Variants in SCFD2 observed in about 807,000 individuals in gnomAD.
The protein encoded by SCFD2 is sec1 family domain containing 2.
A neutral mutation model predicts 58.9 loss-of-function variants in SCFD2; 54 were observed. The ratio of observed to expected loss-of-function variants is 0.92; its 90% CI spans 0.74 to 1.15. The LOEUF (loss-of-function observed/expected upper bound fraction) is 1.15. Among genes scored for constraint, SCFD2 ranks in the 50% most tolerant of loss-of-function variants. SCFD2 has a pLI of 0.00. For synonymous variants in SCFD2, 321 were observed against 335.9 expected (o/e 0.96, Z 0.49); for missense variants, 805 against 836.6 (o/e 0.96, Z 0.47).
intron 3 of SCFD2, among the ~76,000 whole-genome samples, chr4:53,281,271 T>A (rs1229843539): frequency 6.6e-6 from 1 of 152,248 alleles, no homozygotes; most frequent in East Asian, 1.9e-4. Context: ...AGAGTTTTAA[T>A]GTTTTTGTAA....
At chr4:53,167,228 A>T (rs1446842366) in intron 4 of SCFD2, among the ~76,000 whole-genome samples, 1 of 152,182 alleles carries the variant, frequency 6.6e-6, no homozygotes, top group Non-Finnish European at 1.5e-5. Flanking sequence ...CCTACTGCGT[A>T]TACCCAGAAT....
intron 5 of SCFD2, among the ~76,000 whole-genome samples, chr4:52,961,674 TA>T (rs1720855358): frequency 6.6e-6 from 1 of 152,130 alleles, no homozygotes. Flanking sequence ...CTTTATATCT[TA>T]TTAGCAAGAG....
intron 4 of SCFD2, among the ~76,000 whole-genome samples, chr4:53,177,707 C>T (rs1489571755): frequency 6.6e-6 from 1 of 152,078 alleles, no homozygotes; most frequent in Non-Finnish European, 1.5e-5. Context: ...GCCAAGGCAT[C>T]GCCTCATCCG....
intron 5 of SCFD2, among the ~76,000 whole-genome samples, chr4:53,091,326 G>C (rs1456831718): frequency 1.3e-5 from 2 of 149,236 alleles, no homozygotes; most frequent in East Asian, 4.0e-4. Flanking sequence ...TAGAGATAAA[G>C]AATTAACTCT....
At chr4:53,147,411 C>T (rs765106326) in intron 4 of SCFD2, among the ~76,000 whole-genome samples, 2 of 152,064 alleles carry the variant, frequency 1.3e-5, no homozygotes, top group Non-Finnish European at 2.9e-5. Context: ...TTAAGGTTCA[C>T]GATTATATTT....
At chr4:53,225,889 T>C (rs1729196904) in intron 4 of SCFD2, among the ~76,000 whole-genome samples, 1 of 152,248 alleles carries the variant, frequency 6.6e-6, no homozygotes, top group Non-Finnish European at 1.5e-5. Context: ...CTTTTAGGTT[T>C]TTCCCTATTC....
At chr4:53,133,034 A>G (rs1725834636) in intron 5 of SCFD2, among the ~76,000 whole-genome samples, 4 of 152,290 alleles carry the variant, frequency 2.6e-5, no homozygotes, top group South Asian at 4.1e-4. Context: ...GTCTTTTACA[A>G]TTCTCTGTTT....
At chr4:53,346,144 C>T (rs527490650) in intron 2 of SCFD2, among the ~76,000 whole-genome samples, 18 of 152,090 alleles carry the variant, frequency 1.2e-4, no homozygotes, top group African/African-American at 3.4e-4. Context: ...GATATTTATA[C>T]ATGTTCATAT....
chr4:53,312,222 T>A (rs1732713993), intron 3 of SCFD2, among the ~76,000 whole-genome samples: 1 of 152,194 alleles, frequency 6.6e-6, no homozygotes, highest in African/African-American at 2.4e-5. Context: ...ACAGTTCATT[T>A]ATTAATTCAA....
At chr4:53,155,746 C>T (rs1726659599) in intron 4 of SCFD2, among the ~76,000 whole-genome samples, 1 of 152,184 alleles carries the variant, frequency 6.6e-6, no homozygotes, top group Admixed American at 6.5e-5. Flanking sequence ...AGTTCAAAAT[C>T]ATGTAATCGC....
chr4:53,125,819 G>C (rs1467258541), intron 5 of SCFD2, among the ~76,000 whole-genome samples: 5 of 152,216 alleles, frequency 3.3e-5, no homozygotes, highest in African/African-American at 1.2e-4. Flanking sequence ...GATCACTAAA[G>C]GGAGGGGGTA....
chr4:53,345,621 C>G (rs970073124), intron 2 of SCFD2, among the ~76,000 whole-genome samples: 6 of 151,856 alleles, frequency 4.0e-5, no homozygotes, highest in Non-Finnish European at 7.3e-5. Flanking sequence ...GATTATAAAT[C>G]ATGCTGCCAT....
chr4:52,879,879 C>T (rs1394807890), intron 8 of SCFD2, among the ~76,000 whole-genome samples: 1 of 152,230 alleles, frequency 6.6e-6, no homozygotes, highest in African/African-American at 2.4e-5. Flanking sequence ...TTTTCTCTCT[C>T]CTTTTCTTTT....
At chr4:53,261,533 A>G (rs1035216511) in intron 4 of SCFD2, among the ~76,000 whole-genome samples, 9 of 152,134 alleles carry the variant, frequency 5.9e-5, no homozygotes, top group Non-Finnish European at 1.0e-4. Context: ...CATGGTTTTG[A>G]GGGTTCCTTT....
chr4:53,045,320 A>G (rs1006313934), intron 5 of SCFD2, among the ~76,000 whole-genome samples: 2 of 152,060 alleles, frequency 1.3e-5, no homozygotes, highest in African/African-American at 4.8e-5. Flanking sequence ...TAGTACTGGT[A>G]TTTGCTTTTC....
chr4:52,939,630 C>T (rs1449684937), intron 5 of SCFD2, among the ~76,000 whole-genome samples: 4 of 149,838 alleles, frequency 2.7e-5, no homozygotes, highest in African/African-American at 9.9e-5. Flanking sequence ...GGGCAACAGA[C>T]AAGTAAAGTG....
chr4:52,948,489 G>T (rs1720499721), intron 5 of SCFD2: 1 of 456,360 alleles, frequency 2.2e-6, no homozygotes, highest in East Asian at 6.9e-5. Context: ...TGACCTTCAG[G>T]TTATCTTGAA....
chr4:53,028,870 G>C (rs1465427714), intron 5 of SCFD2, among the ~76,000 whole-genome samples: 1 of 152,212 alleles, frequency 6.6e-6, no homozygotes, highest in Non-Finnish European at 1.5e-5. Context: ...TGAAGGTTAA[G>C]TAGGACCAGT....
rs17082586 is a variant in SCFD2, at chr4:53,312,559, T to C, written c.1135+1077A>G. Among the ~76,000 whole-genome samples, 1,392 of 152,356 alleles carry C rather than the reference T, an allele frequency of 9.1e-3. 22 individuals are homozygous for C. The highest frequency in any genetic ancestry group is 0.032 in the African/African-American group (1,313 of 41,574). On this transcript the variant is annotated intron_variant, in intron 3 of 8. Transcript: ENST00000401642. ...TTTCACTTTTCTTATCATCATTATGTTCCTTGCAGCCCTCAAATATAGTTA... is the reference window on the plus strand; with the variant it reads ...TTTCACTTTTCTTATCATCATTATGCTCCTTGCAGCCCTCAAATATAGTTA...
Sources: allele counts gnomAD v4.1 joint callset (sites outside exome capture counted in the v4.1 genomes callset), GRCh38; gene constraint gnomAD v4.1.1; transcripts MANE v1.5; gene names NCBI Gene and HGNC (gene_info 2026-07-23, HGNC 2026-07-21).